The following LRRIQ4 variants were observed in gnomAD, a reference collection of about 807,000 sequenced individuals.
The protein encoded by LRRIQ4 is leucine rich repeats and IQ motif containing 4, also known as leucine-rich repeat and IQ domain-containing protein 4.
Under a neutral mutation model 40.1 loss-of-function variants are expected in LRRIQ4, and 21 were observed. The ratio of observed to expected loss-of-function variants is 0.52; its 90% CI spans 0.37 to 0.75. The LOEUF (loss-of-function observed/expected upper bound fraction) is 0.75, where lower values mean the gene tolerates loss of function less well. LRRIQ4 is among the 30% of genes least tolerant of loss of function. LRRIQ4 has a pLI of 0.00. For missense variants in LRRIQ4, 655 were observed against 660.0 expected, an observed-to-expected ratio of 0.99 and a Z score of 0.08; for synonymous variants, 277 against 277.1, an observed-to-expected ratio of 1.00 and a Z score of 0.00.
intron 2 of LRRIQ4, among the ~76,000 whole-genome samples, chr3:169,827,010 G>C (rs191967927): frequency 6.6e-6 from 1 of 152,236 alleles, no homozygotes; most frequent in East Asian, 1.9e-4. Context: ...TTCTCCAACT[G>C]TAAGTGACCC....
chr3:169,821,050 C>T (rs2108265801), intron 1 of LRRIQ4, among the ~76,000 whole-genome samples: 1 of 152,334 alleles, frequency 6.6e-6, no homozygotes, highest in East Asian at 1.9e-4. Flanking sequence ...TGTTTCTCTG[C>T]CTGACAGTCC....
At position 169,833,025 on chromosome 3, in the gene LRRIQ4, C is replaced by T; in HGVS notation, c.1372C>T (p.His458Tyr). 6.2e-7 allele frequency: 1 copy of T among 1,613,376 alleles called. No homozygotes were observed. ...ACGGCTGGAGGACAACTTGCTCACCCATCTTCCAGAGAATTTGGATTCCCT... is the reference window on the plus strand; with the variant it reads ...ACGGCTGGAGGACAACTTGCTCACCTATCTTCCAGAGAATTTGGATTCCCT... ...ELRLEDNLLTHLPENLDSLVN... is the reference protein window; with the variant it reads ...ELRLEDNLLTYLPENLDSLVN... Residue 458 changes from histidine to tyrosine, a missense_variant, in exon 5 of 6, where the codon CAT becomes TAT. Coordinates refer to ENST00000340806, the MANE Select transcript of LRRIQ4 (RefSeq NM_001080460.3).
chr3:169,828,502 G>A (rs772168641), intron 2 of LRRIQ4, among the ~76,000 whole-genome samples: 3 of 152,278 alleles, frequency 2.0e-5, no homozygotes, highest in South Asian at 2.1e-4. Context: ...CCAAAGTGCT[G>A]GGATTAAAGG....
In LRRIQ4 at chr3:169,832,714, G is replaced by C. The variant is rs60639649; in HGVS notation, c.1334-273G>C. On this transcript the variant is annotated intron_variant, in intron 4 of 5. Coordinates refer to ENST00000340806, the MANE Select transcript of LRRIQ4 (RefSeq NM_001080460.3). ...TGAGAGTGATTTTTCCCAGTGGGCT[G>C]TCAGTTTCAGCTAAAAACTGTTGCT... is the stretch of plus-strand genomic sequence containing the variant. Among the ~76,000 whole-genome samples the C allele has an allele frequency of 5.1e-3, 774 of 151,006 alleles. 6 individuals carry two copies. The highest frequency in any genetic ancestry group is 0.018 in the African/African-American group (737 of 41,132).
chr3:169,817,963 T>C (rs1779800610), intron 1 of LRRIQ4, among the ~76,000 whole-genome samples: 1 of 152,232 alleles, frequency 6.6e-6, no homozygotes, highest in Admixed American at 6.5e-5. Flanking sequence ...CCTTGTGACC[T>C]AGACTGCCTT....
In LRRIQ4 at chr3:169,837,723, C is replaced by A; in HGVS notation, c.*92C>A. 5 of 944,818 alleles carry A rather than the reference C, an allele frequency of 5.3e-6. No individual in the cohort carries two copies. The highest frequency in any genetic ancestry group is 7.6e-6 in the Non-Finnish European group (5 of 659,718). 58.5% of individuals were successfully genotyped at this position (944,818 alleles called of 1,614,324 possible). A position where few individuals can be genotyped will look rare whatever the true frequency, so the allele number is the denominator to read the frequency against. On this transcript the variant is annotated 3_prime_UTR_variant, in exon 6 of 6. Coordinates refer to ENST00000340806, the MANE Select transcript of LRRIQ4 (RefSeq NM_001080460.3). ...AGATGCCTACTACATTAAAATTATT[C>A]ATAAAATTACACTTATGTGTAAAAA...
chr3:169,830,838 T>G (rs1412119020), intron 4 of LRRIQ4, among the ~76,000 whole-genome samples: 1 of 152,222 alleles, frequency 6.6e-6, no homozygotes, highest in Non-Finnish European at 1.5e-5. Context: ...GGCAGTTAAG[T>G]CATTTATTAA....
At chr3:169,829,490 G>T (rs199890145) in intron 3 of LRRIQ4, among the ~76,000 whole-genome samples, 5 of 144,854 alleles carry the variant, frequency 3.5e-5, no homozygotes, top group South Asian at 2.2e-4. Flanking sequence ...TTAAAGAACT[G>T]TTTTTTTTTT....
In LRRIQ4 at chr3:169,831,261, C is replaced by CTTTTTTTT. The variant is rs869088396; in HGVS notation, c.1333+654_1333+661dup. Among the ~76,000 whole-genome samples, 31 of 33,464 alleles carry CTTTTTTTT rather than the reference C, an allele frequency of 9.3e-4. 4 individuals are homozygous for CTTTTTTTT. The highest frequency in any genetic ancestry group is 2.6e-3 in the South Asian group (2 of 758). The allele number at this position is 33,464 out of a possible 152,430, so 22.0% of individuals were successfully genotyped here. A position where few individuals can be genotyped will look rare whatever the true frequency, so the allele number is the denominator to read the frequency against. On this transcript the variant is annotated intron_variant, in intron 4 of 5. Coordinates refer to ENST00000340806, the MANE Select transcript of LRRIQ4 (RefSeq NM_001080460.3). ...CACATGTTTTCAAACTATGGCTATTCTTTTTTTTTTTTTTTTTTTTTTTTT... is the reference window on the plus strand; with the variant it reads ...CACATGTTTTCAAACTATGGCTATTCTTTTTTTTTTTTTTTTTTTTTTTTTTTTTTTTT...
At chr3:169,834,193 C>T (rs1780254890) in intron 5 of LRRIQ4, among the ~76,000 whole-genome samples, 1 of 152,128 alleles carries the variant, frequency 6.6e-6, no homozygotes, top group African/African-American at 2.4e-5. Context: ...GAAACCCTGT[C>T]TCTACTAAAA....
At chr3:169,836,303 T>C (rs1285472661) in intron 5 of LRRIQ4, among the ~76,000 whole-genome samples, 1 of 152,134 alleles carries the variant, frequency 6.6e-6, no homozygotes, top group African/African-American at 2.4e-5. Flanking sequence ...ATGGCAGTCT[T>C]AGCTTAGGCT....
At position 169,822,695 on chromosome 3, in the gene LRRIQ4, G is replaced by A. The variant is rs374004902; in HGVS notation, c.774G>A (p.Lys258=). ...SIPKSFAELR[K]MTEIGLSGNR... The stretch of plus-strand genomic sequence containing the variant: ...CGAAGAGCTTCGCCGAGCTCAGGAA[G>A]ATGACGGAAATCGGGCTGAGCGGGA... Residue 258 remains lysine (K), a synonymous_variant, in exon 2 of 6, where the codon AAG becomes AAA. Transcript: ENST00000340806. 253 of 1,614,004 alleles carry A rather than the reference G, an allele frequency of 1.6e-4. 1 individual carries two copies. The highest frequency in any genetic ancestry group is 7.7e-5 in the South Asian group (7 of 91,084).
chr3:169,832,631 CA>C (rs3047516), intron 4 of LRRIQ4, among the ~76,000 whole-genome samples: 1,582 of 67,332 alleles, frequency 0.023, 8 homozygotes, highest in African/African-American at 0.053. Flanking sequence ...GACTCTGTCT[CA>C]AAAAAAAAAA....
Position 169,837,563 on chromosome 3 carries a change from A to T in LRRIQ4, c.1615A>T (p.Thr539Ser). ...ELLKPQKKGK[T>S]SPKDKKGKKD... Reference sequence around the variant, plus strand: ...ACTAAAACCACAAAAGAAAGGAAAGACCTCTCCAAAAGATAAGAAAGGAAA... The same window carrying T: ...ACTAAAACCACAAAAGAAAGGAAAGTCCTCTCCAAAAGATAAGAAAGGAAA... Residue 539 changes from threonine to serine, a missense_variant, in exon 6 of 6, where the codon ACC (threonine) becomes TCC (serine). Coordinates refer to ENST00000340806, the MANE Select transcript of LRRIQ4 (RefSeq NM_001080460.3). 6.2e-7 allele frequency: 1 copy of T among 1,603,006 alleles called. No homozygotes were observed. Among genetic ancestry groups the T allele is most frequent in the Non-Finnish European group, 8.5e-7 (1 of 1,174,818 alleles).
chr3:169,829,971 C>A (rs921031687), intron 3 of LRRIQ4, among the ~76,000 whole-genome samples: 3 of 152,156 alleles, frequency 2.0e-5, no homozygotes, highest in Non-Finnish European at 4.4e-5. Context: ...TTCCTTTGTA[C>A]CTGTCATGCC....
chr3:169,833,477 T>C (rs1316721341), intron 5 of LRRIQ4, among the ~76,000 whole-genome samples: 1 of 152,114 alleles, frequency 6.6e-6, no homozygotes, highest in Non-Finnish European at 1.5e-5. Flanking sequence ...ACTATTTCAT[T>C]GGAATGAAAA....
Position 169,837,302 on chromosome 3 carries a change from A to T in LRRIQ4, c.1531-177A>T, listed in dbSNP as rs185473131. On this transcript the variant is annotated intron_variant, in intron 5 of 5. Transcript: ENST00000340806. ...CATAAAAACAATAAATGCATTTTTT[A>T]AAAAATTTGTCTGAATGCCTAGCCA... 7.2e-3 allele frequency among the ~76,000 whole-genome samples: 1,090 copies of T among 152,350 alleles called. 6 individuals are homozygous for T. The highest frequency in any genetic ancestry group is 0.023 in the African/African-American group (952 of 41,582).
At chr3:169,823,482 G>A (rs1203784639) in intron 2 of LRRIQ4, among the ~76,000 whole-genome samples, 1 of 151,966 alleles carries the variant, frequency 6.6e-6, no homozygotes, top group Admixed American at 6.6e-5. Flanking sequence ...CGAATAGCTG[G>A]GATTACAGGC....
At chr3:169,832,631 C>CAA (rs3047516) in intron 4 of LRRIQ4, among the ~76,000 whole-genome samples, 18,389 of 66,612 alleles carry the variant, frequency 0.28, 2,386 homozygotes, top group East Asian at 0.55. Context: ...GACTCTGTCT[C>CAA]AAAAAAAAAA....
Sources: allele counts gnomAD v4.1 joint callset (sites outside exome capture counted in the v4.1 genomes callset), GRCh38; gene constraint gnomAD v4.1.1; transcripts MANE v1.5; gene names NCBI Gene and HGNC (gene_info 2026-07-23, HGNC 2026-07-21).